CCDC77: variants seen among roughly 807,000 people sequenced by gnomAD.
CCDC77 encodes coiled-coil domain-containing protein 77.
Under a neutral mutation model 66.8 loss-of-function variants are expected in CCDC77, and 56 were observed. That is an observed-to-expected ratio of 0.84 (90% CI 0.68 to 1.05). The LOEUF is 1.05. Among genes scored for constraint, CCDC77 ranks in the 50% least tolerant of loss-of-function variants. The pLI, the probability that CCDC77 is intolerant of heterozygous loss-of-function variation, is 0.00. For synonymous variants in CCDC77, 196 were observed against 195.2 expected, an observed-to-expected ratio of 1.00 and a Z score of -0.03; for missense variants, 570 against 576.8, an observed-to-expected ratio of 0.99 and a Z score of 0.12.
chr12:392,851 A>T (rs1318698833), intron 1 of CCDC77, among the ~76,000 whole-genome samples: 1 of 152,044 alleles, frequency 6.6e-6, no homozygotes, highest in African/African-American at 2.4e-5. Context: ...AAAATATTTT[A>T]TTCATTTCAA....
At chr12:402,614 A>T (rs1208378992) in intron 1 of CCDC77, among the ~76,000 whole-genome samples, 1 of 152,252 alleles carries the variant, frequency 6.6e-6, no homozygotes, top group African/African-American at 2.4e-5. Flanking sequence ...GCCCTTATGT[A>T]GAAAGCCATG....
chr12:413,534 C>T (rs12301816), intron 4 of CCDC77, among the ~76,000 whole-genome samples: 94,779 of 150,146 alleles, frequency 0.63, 31,624 homozygotes, highest in Non-Finnish European at 0.74. Context: ...CCACTGCGCC[C>T]GGCCTCTCTA....
At chr12:390,817 C>T (rs765189693) in intron 1 of CCDC77, among the ~76,000 whole-genome samples, 5 of 152,068 alleles carry the variant, frequency 3.3e-5, no homozygotes, top group Non-Finnish European at 7.4e-5. Context: ...TTGGAGGGTT[C>T]AAGATGGCCT....
intron 8 of CCDC77, among the ~76,000 whole-genome samples, chr12:432,917 G>A (rs1160048490): frequency 1.3e-5 from 2 of 152,148 alleles, no homozygotes; most frequent in African/African-American, 4.8e-5. Flanking sequence ...GTACACACCT[G>A]TAGTCCTGGA....
intron 10 of CCDC77, among the ~76,000 whole-genome samples, chr12:438,928 A>G (rs1945806976): frequency 6.6e-6 from 1 of 150,818 alleles, no homozygotes; most frequent in Non-Finnish European, 1.5e-5. Context: ...AAAAAAAAAA[A>G]TTAGCTGAGC....
At chr12:394,696 C>T (rs1944803721) in intron 1 of CCDC77, among the ~76,000 whole-genome samples, 1 of 152,212 alleles carries the variant, frequency 6.6e-6, no homozygotes, top group African/African-American at 2.4e-5. Flanking sequence ...TGTGTGATTG[C>T]GAGAGAGTGA....
chr12:415,511 T>A (rs952001591), intron 4 of CCDC77, among the ~76,000 whole-genome samples: 1 of 128,122 alleles, frequency 7.8e-6, no homozygotes, highest in Non-Finnish European at 1.6e-5. Flanking sequence ...TAACATAATA[T>A]GTTAATATTA....
chr12:427,717 C>G (rs1945561885), intron 5 of CCDC77, among the ~76,000 whole-genome samples: 1 of 152,114 alleles, frequency 6.6e-6, no homozygotes, highest in Admixed American at 6.5e-5. Flanking sequence ...CTCAGGTGAT[C>G]CGCCTGCCTC....
intron 6 of CCDC77, 121 bp from the exon 7 acceptor site, chr12:430,543 A>G (rs982965508): frequency 1.2e-5 from 9 of 755,854 alleles, no homozygotes; most frequent in Non-Finnish European, 2.2e-5. Flanking sequence ...TGACATCCTT[A>G]TATGATCATA....
intron 4 of CCDC77, among the ~76,000 whole-genome samples, chr12:415,336 A>G (rs528869579): frequency 9.5e-6 from 1 of 105,284 alleles, no homozygotes; most frequent in Admixed American, 9.8e-5. Flanking sequence ...ACATAATATT[A>G]TGTTAATATA....
intron 4 of CCDC77, 59 bp downstream of exon 4, chr12:412,037 C>T (rs929338433): frequency 4.0e-6 from 5 of 1,248,538 alleles, no homozygotes; most frequent in Middle Eastern, 1.9e-4. Context: ...ATTAGAGATG[C>T]CCTACAAGTG....
chr12:409,010 C>T (rs1945051009), intron 2 of CCDC77, among the ~76,000 whole-genome samples: 1 of 152,048 alleles, frequency 6.6e-6, no homozygotes, highest in Non-Finnish European at 1.5e-5. Flanking sequence ...TCGAGACCAG[C>T]CTGGCCAATA....
At chr12:418,779 A>C in intron 5 of CCDC77, 143 bp downstream of exon 5, 1 of 789,934 alleles carries the variant, frequency 1.3e-6, no homozygotes, top group Non-Finnish European at 2.0e-6. Flanking sequence ...GGCTCACTGC[A>C]GCCTCCACCT....
intron 1 of CCDC77, among the ~76,000 whole-genome samples, chr12:403,817 G>C (rs898615085): frequency 4.6e-5 from 7 of 152,218 alleles, no homozygotes; most frequent in Non-Finnish European, 8.8e-5. Context: ...TTGAGACAGG[G>C]TCTTGCGCTG....
At chr12:391,126 G>A (rs543110388) in intron 1 of CCDC77, among the ~76,000 whole-genome samples, 1 of 152,304 alleles carries the variant, frequency 6.6e-6, no homozygotes, top group Admixed American at 6.5e-5. Context: ...GACACAGGAC[G>A]CTGTGATTCA....
chr12:411,588 GATTACAGGCATGAGCC>G (rs1218888792), intron 3 of CCDC77, among the ~76,000 whole-genome samples, 143 bp from the exon 4 acceptor site: 2 of 152,040 alleles, frequency 1.3e-5, no homozygotes. Flanking sequence ...AAAGTGCTGG[GATTACAGGCATGAGCC>G]ACTATGCCTG....
chr12:428,030 C>T (rs1945567583), intron 5 of CCDC77, among the ~76,000 whole-genome samples: 1 of 152,110 alleles, frequency 6.6e-6, no homozygotes, highest in South Asian at 2.1e-4. Flanking sequence ...ATTGACCAGG[C>T]ACTGGATATG....
chr12:423,479 G>GT lies in CCDC77; in HGVS notation c.413+4852dup, dbSNP rs1289177296. Among the ~76,000 whole-genome samples, 19 of 21,238 alleles carry GT rather than the reference G, an allele frequency of 8.9e-4. 1 individual carries two copies. Among genetic ancestry groups the GT allele is most frequent in the African/African-American group, 1.9e-3 (12 of 6,222 alleles). 13.9% of individuals were successfully genotyped at this position (21,238 alleles called of 152,430 possible). A position where few individuals can be genotyped will look rare whatever the true frequency, so the allele number is the denominator to read the frequency against. On this transcript the variant is annotated intron_variant, in intron 5 of 12. Coordinates refer to ENST00000239830, the MANE Select transcript of CCDC77 (RefSeq NM_032358.4). ...TCTGGGTGTTTTTTGTGTTTTTTGTGTTTTTTTTTGTTTTGTTTTTTTTTT... is the reference window on the plus strand; with the variant it reads ...TCTGGGTGTTTTTTGTGTTTTTTGTGTTTTTTTTTTGTTTTGTTTTTTTTTT...
intron 5 of CCDC77, among the ~76,000 whole-genome samples, chr12:422,483 G>C (rs932870068): frequency 6.6e-6 from 1 of 152,192 alleles, no homozygotes; most frequent in Non-Finnish European, 1.5e-5. Context: ...TCGTCTCCAT[G>C]AATTTGACGA....
Sources: gnomAD v4.1 joint callset for allele counts (sites outside exome capture counted in the v4.1 genomes callset) on GRCh38, gnomAD v4.1.1 for gene constraint, MANE v1.5 for transcripts, NCBI Gene and HGNC (gene_info 2026-07-23, HGNC 2026-07-21) for gene names.